Variants in FBXO7 observed in about 807,000 individuals in gnomAD.
FBXO7 encodes the protein F-box protein 7.
In FBXO7, 31 loss-of-function variants were observed where a neutral mutation model predicts 50.2. The observed-to-expected ratio is 0.62, with a 90% confidence interval of 0.46 to 0.83. The LOEUF is 0.83. FBXO7 is among the 40% of genes least tolerant of loss of function. FBXO7 has a pLI of 0.00. For missense variants in FBXO7, 667 were observed against 646.6 expected (o/e 1.03, Z -0.34); for synonymous variants, 256 against 253.1 (o/e 1.01, Z -0.11).
chr22:32,497,270 A>G lies in FBXO7; in HGVS notation c.1183-874A>G, dbSNP rs534724682. ...GCACCCGTCACCCAAGCAGTGTACA[A>G]CTGTACCCAATATGTAGTCTTTTAG... On this transcript the variant is annotated intron_variant, in intron 8 of 8. Coordinates refer to ENST00000266087, the MANE Select transcript of FBXO7 (RefSeq NM_012179.4). 4.6e-5 allele frequency among the ~76,000 whole-genome samples: 7 copies of G among 152,302 alleles called. No individual in the cohort carries two copies. The East Asian group carries it at 1.2e-3, about 25-fold the overall frequency.
Position 32,494,764 on chromosome 22 carries a change from G to A in FBXO7, c.1145-729G>A, listed in dbSNP as rs1216029224. Among the ~76,000 whole-genome samples, 5 of 152,190 alleles carry A rather than the reference G, an allele frequency of 3.3e-5. 1 individual carries two copies. The highest frequency in any genetic ancestry group is 3.3e-4 in the Admixed American group (5 of 15,274). On this transcript the variant is annotated intron_variant, in intron 7 of 8. Transcript: ENST00000266087. ...TTAATTTTTAGATTGTGGCCCACAA[G>A]CTCATTTGTAAGCTGTTCAGATTTT...
intron 2 of FBXO7, among the ~76,000 whole-genome samples, chr22:32,480,908 T>C (rs2057460474): frequency 6.6e-6 from 1 of 152,156 alleles, no homozygotes; most frequent in Non-Finnish European, 1.5e-5. Context: ...TCAAGTGACC[T>C]GCCCACCTTG....
intron 4 of FBXO7, chr22:32,487,164 C>G (rs2057503856): frequency 6.6e-6 from 1 of 152,310 alleles, no homozygotes; most frequent in African/African-American, 2.4e-5. Context: ...TTAAATCTTT[C>G]CTTCACCCAA....
At position 32,475,438 on chromosome 22, in the gene FBXO7, G is replaced by A. The variant is rs761618031; in HGVS notation, c.122+314G>A. 21 of 1,606,924 alleles carry A rather than the reference G, an allele frequency of 1.3e-5. 1 individual carries two copies. The Admixed American group carries it at 1.7e-4, about 13-fold the overall frequency. ...CTGGTTTTGCAGTAAACGGAACCAG[G>A]GAGAGGAGGGAACGCACAATTTCCA... On this transcript the variant is annotated intron_variant, in intron 1 of 8. Transcript: ENST00000266087.
intron 7 of FBXO7, 34 bp downstream of exon 7, chr22:32,493,315 G>T (rs1342919884): frequency 6.3e-7 from 1 of 1,577,426 alleles, no homozygotes. Context: ...ACAAGAAAGG[G>T]CTCTTATTGT....
chr22:32,495,405 CT>C, intron 7 of FBXO7, 87 bp from the exon 8 acceptor site: 1 of 735,360 alleles, frequency 1.4e-6, no homozygotes, highest in Non-Finnish European at 2.3e-6. Flanking sequence ...GTAAGTTTCA[CT>C]TTTCTTAGGA....
At chr22:32,491,288 C>A in intron 6 of FBXO7, 107 bp downstream of exon 6, 1 of 784,776 alleles carries the variant, frequency 1.3e-6, no homozygotes, top group Non-Finnish European at 2.2e-6. Flanking sequence ...CTGCTCCTGG[C>A]GAAATGTTCC....
At position 32,498,292 on chromosome 22, in the gene FBXO7, T is replaced by C. The variant is rs1399529505; in HGVS notation, c.1331T>C (p.Ile444Thr). The C allele has an allele frequency of 5.0e-6, 8 of 1,614,176 alleles. No homozygotes were observed. Among genetic ancestry groups the C allele is most frequent in the East Asian group, 2.2e-5 (1 of 44,870 alleles). ...AGCTCCCGCCTTCCTCCAGGAATTATCGGGGGTGAATATGACCAAAGACCA... is the reference window on the plus strand; with the variant it reads ...AGCTCCCGCCTTCCTCCAGGAATTACCGGGGGTGAATATGACCAAAGACCA... ...FPSSRLPPGI[I>T]GGEYDQRPTL... The change falls in exon 9 of 9, where the codon ATC becomes ACC. Residue 444 changes from isoleucine to threonine, a missense_variant. Transcript: ENST00000266087.
chr22:32,482,533 A>G (rs1270460090), intron 2 of FBXO7, among the ~76,000 whole-genome samples: 1 of 152,218 alleles, frequency 6.6e-6, no homozygotes, highest in African/African-American at 2.4e-5. Flanking sequence ...CATGTATTAC[A>G]TCTCAAAGCC....
chr22:32,491,096 A>G lies in FBXO7; in HGVS notation c.882A>G (p.Val294=). 1.2e-6 allele frequency: 2 copies of G among 1,612,120 alleles called. No individual in the cohort carries two copies. Among genetic ancestry groups the G allele is most frequent in the Non-Finnish European group, 1.7e-6 (2 of 1,178,236 alleles). The stretch of plus-strand genomic sequence containing the variant: ...TAAAAAATATTCTAGGGGAAAATGT[A>G]GCCAACATATACAAAGATCTTCAGA... ...FICKEKLGEN[V]ANIYKDLQKL... The change falls in exon 6 of 9, where the codon GTA becomes GTG. Residue 294 remains valine (V), a synonymous_variant. Coordinates refer to ENST00000266087, the MANE Select transcript of FBXO7 (RefSeq NM_012179.4).
At chr22:32,494,649 A>G (rs1036038479) in intron 7 of FBXO7, among the ~76,000 whole-genome samples, 3 of 152,236 alleles carry the variant, frequency 2.0e-5, no homozygotes, top group Non-Finnish European at 4.4e-5. Flanking sequence ...AAGCACCGAG[A>G]AAAAGCAGAG....
chr22:32,484,900 T>C (rs1343480905), intron 3 of FBXO7, among the ~76,000 whole-genome samples, 168 bp from the exon 4 acceptor site: 4 of 152,220 alleles, frequency 2.6e-5, no homozygotes, highest in African/African-American at 9.6e-5. Context: ...ACAATATGGT[T>C]ATCCTACAAT....
chr22:32,494,873 C>G (rs964009654), intron 7 of FBXO7, among the ~76,000 whole-genome samples: 10 of 152,178 alleles, frequency 6.6e-5, no homozygotes, highest in African/African-American at 2.4e-4. Context: ...AAGATATCAT[C>G]TTTTATTCAA....
chr22:32,491,518 T>G (rs1476222126), intron 6 of FBXO7: 1 of 232,334 alleles, frequency 4.3e-6, no homozygotes, highest in Admixed American at 5.4e-5. Context: ...TAATAGATGC[T>G]CTTTCTCTCT....
At position 32,483,937 on chromosome 22, in the gene FBXO7, A is replaced by G. The variant is rs766576291; in HGVS notation, c.458A>G (p.Asp153Gly). The change falls in exon 3 of 9, where the codon GAT becomes GGT. Residue 153 changes from aspartate to glycine, a missense_variant. Coordinates refer to ENST00000266087, the MANE Select transcript of FBXO7 (RefSeq NM_012179.4). ...SQNFEAESIQDNAHMAEGTGF... is the reference protein window; with the variant it reads ...SQNFEAESIQGNAHMAEGTGF... Reference sequence around the variant, plus strand: ...AATTTTGAAGCTGAGTCAATTCAAGATAATGCGCATATGGCAGAGGGCACA... The same window carrying G: ...AATTTTGAAGCTGAGTCAATTCAAGGTAATGCGCATATGGCAGAGGGCACA... 2 of 1,614,094 alleles carry G rather than the reference A, an allele frequency of 1.2e-6. No individual in the cohort carries two copies. The highest frequency in any genetic ancestry group is 2.7e-5 in the African/African-American group (2 of 74,946).
chr22:32,480,720 A>T (rs2057459300), intron 2 of FBXO7, among the ~76,000 whole-genome samples: 1 of 150,412 alleles, frequency 6.6e-6, no homozygotes. Context: ...CCCAGGCTGG[A>T]GTGCAGTGGC....
intron 4 of FBXO7, 100 bp downstream of exon 4, chr22:32,485,309 G>C (rs537078357): frequency 7.0e-7 from 1 of 1,421,480 alleles, no homozygotes; most frequent in Non-Finnish European, 9.9e-7. Context: ...TCATGATACA[G>C]TTGTGAGTCC....
Position 32,498,110 on chromosome 22 carries a change from T to G in FBXO7, c.1183-34T>G, listed in dbSNP as rs369293388. ...AAGGGAAACATCCAGATCACTTACC[T>G]TATCTTGTTCTTTTATTTTTCTTTT... is the stretch of plus-strand genomic sequence containing the variant. On this transcript the variant is annotated intron_variant, in intron 8 of 8. Coordinates refer to ENST00000266087, the MANE Select transcript of FBXO7 (RefSeq NM_012179.4). 12 of 1,610,324 alleles carry G rather than the reference T, an allele frequency of 7.5e-6. No individual in the cohort carries two copies. In the African/African-American group the frequency reaches 1.3e-4, roughly 18 times the overall value.
rs964834640 is a variant in FBXO7 at position 32,493,183 on chromosome 22, T to C, written c.1046T>C (p.Val349Ala). ...LKLRIFRLLD[V>A]RSVLSLSAVC... ...CTACGGATCTTCCGACTTCTGGATG[T>C]TCGTTCCGTCTTGTCTTTGTCTGCG... The change falls in exon 7 of 9, where the codon GTT becomes GCT. Residue 349 changes from valine (V) to alanine (A), a missense_variant. By Grantham distance (64) the Val-to-Ala change is moderately conservative. Coordinates refer to ENST00000266087, the MANE Select transcript of FBXO7 (RefSeq NM_012179.4). 6.2e-7 allele frequency: 1 copy of C among 1,614,214 alleles called. No individual in the cohort carries two copies. The highest frequency in any genetic ancestry group is 1.7e-5 in the Admixed American group (1 of 60,030).
Sources: gnomAD v4.1 joint callset for allele counts (sites outside exome capture counted in the v4.1 genomes callset) on GRCh38, gnomAD v4.1.1 for gene constraint, MANE v1.5 for transcripts, NCBI Gene and HGNC (gene_info 2026-07-23, HGNC 2026-07-21) for gene names.